Variants in NID2 observed in about 807,000 individuals in gnomAD.
NID2 encodes the protein nidogen 2.
NID2 carries 83 observed loss-of-function variants against 145.4 expected under a neutral mutation model. The observed-to-expected ratio is 0.57, with a 90% confidence interval of 0.48 to 0.69. The LOEUF (loss-of-function observed/expected upper bound fraction) is 0.69. Among genes scored for constraint, NID2 ranks in the 30% least tolerant of loss-of-function variants. NID2 has a pLI of 0.00. For synonymous variants in NID2, 739 were observed against 701.3 expected (o/e 1.05, Z -0.85); for missense variants, 1,807 against 1,765.7 (o/e 1.02, Z -0.42).
intron 9 of NID2, among the ~76,000 whole-genome samples, chr14:52,030,567 A>AGAAAGAAAGAAAGAACGAAC (rs66551436): frequency 1.0e-5 from 1 of 99,272 alleles, no homozygotes; most frequent in African/African-American, 3.9e-5. Flanking sequence ...AAAGAAAGAA[A>AGAAAGAAAGAAAGAACGAAC]GGAAGGAAGG....
rs950423949 is a variant in NID2 at position 52,065,845 on chromosome 14, T to A, written c.534+2013A>T. ...CAAAGGACATGAACTCATCATTTTT[T>A]AAGGCTGCATAGTATTCCATGGTGT... is the stretch of plus-strand genomic sequence containing the variant. On this transcript the variant is annotated intron_variant, in intron 2 of 21. Transcript: ENST00000216286. Among the ~76,000 whole-genome samples the A allele has an allele frequency of 5.0e-5, 7 of 140,952 alleles. 1 individual carries two copies. Among genetic ancestry groups the A allele is most frequent in the Admixed American group, 2.9e-4 (4 of 13,610 alleles). 92.5% of individuals were successfully genotyped at this position (140,952 alleles called of 152,430 possible). A position where few individuals can be genotyped will look rare whatever the true frequency, so the allele number is the denominator to read the frequency against.
intron 12 of NID2, 61 bp from the exon 13 acceptor site, chr14:52,020,239 T>C (rs1891354745): frequency 3.7e-6 from 6 of 1,603,514 alleles, no homozygotes; most frequent in African/African-American, 1.3e-5. Context: ...TCACACAATC[T>C]GTGCGACTGC....
intron 21 of NID2, 74 bp from the exon 22 acceptor site, chr14:52,005,570 T>C: frequency 6.5e-7 from 1 of 1,536,604 alleles, no homozygotes; most frequent in Non-Finnish European, 8.9e-7. Context: ...AGCAAGTCTT[T>C]GCATTTTGTG....
chr14:52,025,199 C>T (rs999833851), intron 12 of NID2, among the ~76,000 whole-genome samples: 14 of 152,212 alleles, frequency 9.2e-5, no homozygotes, highest in Non-Finnish European at 1.6e-4. Context: ...CACTGTCAGG[C>T]TTTGGCACCT....
chr14:52,038,326 T>C (rs1216290330), intron 9 of NID2, among the ~76,000 whole-genome samples: 2 of 152,230 alleles, frequency 1.3e-5, no homozygotes, highest in African/African-American at 4.8e-5. Context: ...ATTCTTCTCA[T>C]CTGTTTTAGC....
chr14:52,056,237 A>G (rs960323808), intron 3 of NID2, among the ~76,000 whole-genome samples: 6 of 152,188 alleles, frequency 3.9e-5, no homozygotes, highest in Admixed American at 2.6e-4. Context: ...AAATCTTCAA[A>G]CAGTGGAAAA....
In NID2 at chr14:52,042,273, C is replaced by T; in HGVS notation, c.1657G>A (p.Asp553Asn). The change falls in exon 7 of 22, where the codon GAC (aspartate) becomes AAC (asparagine). Residue 553 changes from aspartate (D) to asparagine (N), a missense_variant. Physicochemically the swap from Asp to Asn is conservative, Grantham distance 23. Coordinates refer to ENST00000216286, the MANE Select transcript of NID2 (RefSeq NM_007361.4). Reference sequence around the variant, plus strand: ...TTGCCCACGATATACGCATGCAGGTCCACATCAGTGAAGTGCACGGGTGTA... The same window carrying T: ...TTGCCCACGATATACGCATGCAGGTTCACATCAGTGAAGTGCACGGGTGTA... ...GHTPVHFTDVDLHAYIVGNDG... is the reference protein window; with the variant it reads ...GHTPVHFTDVNLHAYIVGNDG... The T allele has an allele frequency of 6.2e-7, 1 of 1,614,202 alleles. No individual in the cohort carries two copies. Among genetic ancestry groups the T allele is most frequent in the Non-Finnish European group, 8.5e-7 (1 of 1,180,050 alleles).
chr14:52,049,147 T>G (rs1026489214), intron 5 of NID2, among the ~76,000 whole-genome samples: 1 of 151,930 alleles, frequency 6.6e-6, no homozygotes. Context: ...GCTAAAGGAT[T>G]CTTAACATGA....
At chr14:52,055,755 A>G (rs1487184362) in intron 3 of NID2, among the ~76,000 whole-genome samples, 1 of 152,244 alleles carries the variant, frequency 6.6e-6, no homozygotes, top group African/African-American at 2.4e-5. Flanking sequence ...AAGCAATGGA[A>G]TTTCCTCAAA....
chr14:52,008,034 G>GC, intron 18 of NID2, 67 bp from the exon 19 acceptor site: 1 of 1,326,436 alleles, frequency 7.5e-7, no homozygotes, highest in Non-Finnish European at 1.0e-6. Context: ...CATCTAAGCA[G>GC]CCCCCAGTGA....
intron 7 of NID2, 36 bp from the exon 8 acceptor site, chr14:52,040,887 G>C (rs757697115): frequency 6.3e-7 from 1 of 1,599,110 alleles, no homozygotes; most frequent in Non-Finnish European, 8.6e-7. Context: ...GGGATGAAAA[G>C]AGGTCTTGCT....
Position 52,019,085 on chromosome 14 carries a change from G to T in NID2, c.3004C>A (p.Pro1002Thr), listed in dbSNP as rs749800161. ...PGTQTPPGSTPPHCGPSPEPT... is the reference protein window; with the variant it reads ...PGTQTPPGSTTPHCGPSPEPT... ...CCTGGTGATGGTCCACAGTGAGGCG[G>T]GGTGGAGCCAGGTGGAGTCTGGGTA... The change falls in exon 14 of 22, where the codon CCG becomes ACG. Residue 1002 changes from proline to threonine, a missense_variant. Pro to Thr is a conservative substitution (Grantham distance 38, BLOSUM62 -1). Coordinates refer to ENST00000216286, the MANE Select transcript of NID2 (RefSeq NM_007361.4). 1 of 1,614,086 alleles carries T rather than the reference G, an allele frequency of 6.2e-7. No homozygotes were observed. The highest frequency in any genetic ancestry group is 8.5e-7 in the Non-Finnish European group (1 of 1,179,978).
At chr14:52,042,475 C>G in intron 6 of NID2, 125 bp from the exon 7 acceptor site, 1 of 1,225,622 alleles carries the variant, frequency 8.2e-7, no homozygotes, top group Non-Finnish European at 1.1e-6. Flanking sequence ...TAATGATTTC[C>G]TAACCAACCA....
Position 52,068,163 on chromosome 14 carries a change from C to A in NID2, c.229G>T (p.Val77Leu). ...FYEARFSNLYVGTNGIISTQD... is the reference protein window; with the variant it reads ...FYEARFSNLYLGTNGIISTQD... The stretch of plus-strand genomic sequence containing the variant: ...GTGGAGATGATGCCGTTGGTGCCCA[C>A]CTGGGAGAGGAGAGGGACAAAAAGG... Residue 77 changes from valine to leucine, a missense_variant and splice_region_variant, in exon 2 of 22, where the codon GTG (valine) becomes TTG (leucine). Physicochemically the swap from Val to Leu is conservative, Grantham distance 32. Coordinates refer to ENST00000216286, the MANE Select transcript of NID2 (RefSeq NM_007361.4). 1 of 1,612,824 alleles carries A rather than the reference C, an allele frequency of 6.2e-7. No individual in the cohort carries two copies. The highest frequency in any genetic ancestry group is 8.5e-7 in the Non-Finnish European group (1 of 1,179,778).
chr14:52,064,441 T>A (rs1159100872), intron 2 of NID2, among the ~76,000 whole-genome samples: 1 of 152,236 alleles, frequency 6.6e-6, no homozygotes, highest in African/African-American at 2.4e-5. Context: ...CTGAGTGTGC[T>A]AATGTGCTAG....
rs1359637967 is a variant in NID2, at chr14:52,005,546, A to G, written c.4118-50T>C. ...ACAGGGTGGTGGGTGAGTATATTGT[A>G]ACCAAGTTGCAACAGCAAGTCTTTG... On this transcript the variant is annotated intron_variant, in intron 21 of 21. Transcript: ENST00000216286. 1.9e-6 allele frequency: 3 copies of G among 1,579,410 alleles called. No homozygotes were observed. The Admixed American group carries it at 5.5e-5, about 29-fold the overall frequency.
rs1890801130 is a variant in NID2, at chr14:52,006,751, G to A, written c.3881-91C>T. 5.8e-6 allele frequency: 8 copies of A among 1,375,436 alleles called. No individual in the cohort carries two copies. The East Asian group carries it at 7.0e-5, about 12-fold the overall frequency. 85.2% of individuals were successfully genotyped at this position (1,375,436 alleles called of 1,614,324 possible). A position where few individuals can be genotyped will look rare whatever the true frequency, so the allele number is the denominator to read the frequency against. On this transcript the variant is annotated intron_variant, in intron 19 of 21. Coordinates refer to ENST00000216286, the MANE Select transcript of NID2 (RefSeq NM_007361.4). ...GATAGTGACACAGTGATAGAATGGG[G>A]AAATAGGATATTTTACTTCCATTAC...
At chr14:52,014,055 G>C in intron 16 of NID2, 4 of 586,328 alleles carry the variant, frequency 6.8e-6, no homozygotes, top group Non-Finnish European at 1.2e-5. Context: ...CATATTATCT[G>C]AAACTCCATG....
At chr14:52,038,685 A>G (rs888058782) in intron 9 of NID2, 62 bp downstream of exon 9, 3 of 1,330,228 alleles carry the variant, frequency 2.3e-6, no homozygotes, top group Admixed American at 4.9e-5. Context: ...ACCTCTGTGA[A>G]TCATTCTAAC....
Sources: gnomAD v4.1 joint callset for allele counts (sites outside exome capture counted in the v4.1 genomes callset) on GRCh38, gnomAD v4.1.1 for gene constraint, MANE v1.5 for transcripts, NCBI Gene and HGNC (gene_info 2026-07-23, HGNC 2026-07-21) for gene names.